The following GRIN2C variants were observed in gnomAD, a reference collection of about 807,000 sequenced individuals.
GRIN2C encodes the protein glutamate receptor ionotropic, NMDA 2C.
In GRIN2C, 64 loss-of-function variants were observed where a neutral mutation model predicts 77.7. The ratio of observed to expected loss-of-function variants is 0.82; its 90% CI spans 0.67 to 1.01. The LOEUF (loss-of-function observed/expected upper bound fraction) is 1.01, where lower values mean the gene tolerates loss of function less well. GRIN2C is among the 50% of genes least tolerant of loss of function. The pLI is 0.00. For synonymous variants in GRIN2C, 792 were observed against 643.4 expected, an observed-to-expected ratio of 1.23 and a Z score of -3.49; for missense variants, 1,549 against 1,486.0, an observed-to-expected ratio of 1.04 and a Z score of -0.70.
At position 74,850,442 on chromosome 17, in the gene GRIN2C, C is replaced by T. The variant is rs2037602899; in HGVS notation, c.1326-71G>A. 3.2e-6 allele frequency: 5 copies of T among 1,580,174 alleles called. No homozygotes were observed. Among genetic ancestry groups the T allele is most frequent in the Admixed American group, 3.3e-5 (2 of 59,852 alleles). The stretch of plus-strand genomic sequence containing the variant: ...TGGCCCAGCCCCGCCCCAGCCACTC[C>T]TCCAGCCTGGCACGTGGACCCCTGC... On this transcript the variant is annotated intron_variant, in intron 5 of 12. Transcript: ENST00000293190. The surrounding 1 kb of genome is among the most constrained non-coding windows in gnomAD (Gnocchi z 5.3).
chr17:74,860,217 C>T (rs1175082412), upstream of GRIN2C, among the ~76,000 whole-genome samples: 1 of 152,240 alleles, frequency 6.6e-6, no homozygotes, highest in Non-Finnish European at 1.5e-5. Context: ...TCACTAGCAC[C>T]GCCAAGACCT....
rs889431032 is a variant in GRIN2C, at chr17:74,844,588, G to T, written c.2351-80C>A. The stretch of plus-strand genomic sequence containing the variant: ...CCTCACAAAGCTCACCACAAACCTG[G>T]AGTAAGAAGGGATCTGGGGCAGGGT... On this transcript the variant is annotated intron_variant, in intron 11 of 12. Transcript: ENST00000293190. The T allele has an allele frequency of 2.6e-6, 4 of 1,540,576 alleles. No homozygotes were observed. The African/African-American group carries it at 5.5e-5, about 21-fold the overall frequency.
At chr17:74,848,352 C>T (rs1044925160) in intron 7 of GRIN2C, among the ~76,000 whole-genome samples, 49 of 152,226 alleles carry the variant, frequency 3.2e-4, no homozygotes, top group Admixed American at 4.6e-4. Flanking sequence ...TGGAAACCCA[C>T]ACCCAGGGAA....
Position 74,859,449 on chromosome 17 carries a change from G to A in GRIN2C, c.-16+295C>T, listed in dbSNP as rs944095685. Among the ~76,000 whole-genome samples the A allele has an allele frequency of 6.6e-6, 1 of 152,008 alleles. No homozygotes were observed. Among genetic ancestry groups the A allele is most frequent in the Non-Finnish European group, 1.5e-5 (1 of 68,004 alleles). On this transcript the variant is annotated intron_variant, in intron 1 of 12. Coordinates refer to ENST00000293190, the MANE Select transcript of GRIN2C (RefSeq NM_000835.6). The surrounding 1 kb of genome is among the most constrained non-coding windows in gnomAD (Gnocchi z 5.9). ...GATACCGATGGCTCTCCCTCTCCCAGGCTAGGAAACTCTGTCGCAGGAGTC... is the reference window on the plus strand; with the variant it reads ...GATACCGATGGCTCTCCCTCTCCCAAGCTAGGAAACTCTGTCGCAGGAGTC...
chr17:74,851,765 C>G, intron 3 of GRIN2C, 74 bp from the exon 4 acceptor site: 2 of 907,040 alleles, frequency 2.2e-6, no homozygotes, highest in Non-Finnish European at 3.5e-6. Context: ...CCGCCGCCAC[C>G]GACAGCAGGT....
chr17:74,847,069 T>C lies in GRIN2C; in HGVS notation c.2002-149A>G. On this transcript the variant is annotated intron_variant, in intron 9 of 12. Transcript: ENST00000293190. The surrounding 1 kb of genome is among the most constrained non-coding windows in gnomAD (Gnocchi z 5.2). ...AGGCTGTCCAGGCCACTCCTGTGTT[T>C]TCCAAATGGAGACTCTGAGGCCCAA... 1 of 860,710 alleles carries C rather than the reference T, an allele frequency of 1.2e-6. No homozygotes were observed. 53.3% of individuals were successfully genotyped at this position (860,710 alleles called of 1,614,324 possible). A position where few individuals can be genotyped will look rare whatever the true frequency, so the allele number is the denominator to read the frequency against.
intron 1 of GRIN2C, among the ~76,000 whole-genome samples, chr17:74,858,314 C>G (rs1201280685): frequency 4.8e-5 from 7 of 145,828 alleles, no homozygotes; most frequent in African/African-American, 1.8e-4. Flanking sequence ...ACCAGAGACT[C>G]TCTCCAAAGG....
At chr17:74,844,646 G>C in intron 11 of GRIN2C, 138 bp from the exon 12 acceptor site, 1 of 1,435,168 alleles carries the variant, frequency 7.0e-7, no homozygotes, top group Non-Finnish European at 9.2e-7. Flanking sequence ...AGACCACATG[G>C]GGATCCAGCC....
chr17:74,854,904 C>A lies in GRIN2C; in HGVS notation c.189G>T (p.Gln63His). ...TGGTGTTGACCCCAACTGTGAGCGG[C>A]TGGATCTCCAGGGGTAGGTCCAGGA... ...QSFLDLPLEI[Q>H]PLTVGVNTTN... Residue 63 changes from glutamine (Q) to histidine (H), a missense_variant, in exon 2 of 13, where the codon CAG (glutamine) becomes CAT (histidine). This residue lies in a region of GRIN2C where 382 missense variants were observed against 360.0 expected (regional missense o/e 1.06). Transcript: ENST00000293190. 6.2e-7 allele frequency: 1 copy of A among 1,613,412 alleles called. No individual in the cohort carries two copies. Among genetic ancestry groups the A allele is most frequent in the Non-Finnish European group, 8.5e-7 (1 of 1,179,574 alleles).
chr17:74,852,585 C>G lies in GRIN2C; in HGVS notation c.426G>C (p.Leu142=), dbSNP rs540553695. 4.4e-5 allele frequency: 63 copies of G among 1,443,838 alleles called. No individual in the cohort carries two copies. The highest frequency in any genetic ancestry group is 5.7e-5 in the Non-Finnish European group (62 of 1,095,398). The allele number at this position is 1,443,838 out of a possible 1,614,324, so 89.4% of individuals were successfully genotyped here. A position where few individuals can be genotyped will look rare whatever the true frequency, so the allele number is the denominator to read the frequency against. ...PKEPGSAFLQ[L]GVSLEQQLQV... ...GCAGCTGCTGCTCCAGGGACACGCC[C>G]AGCTGCAGGAAGGCGGAGCCCGGCT... Residue 142 remains leucine (L), a synonymous_variant, in exon 3 of 13, where the codon CTG becomes CTC. Coordinates refer to ENST00000293190, the MANE Select transcript of GRIN2C (RefSeq NM_000835.6).
At chr17:74,848,108 G>GTCCA in intron 7 of GRIN2C, 131 bp from the exon 8 acceptor site, 1 of 948,578 alleles carries the variant, frequency 1.1e-6, no homozygotes. Context: ...CCAGCCAAGG[G>GTCCA]GGCCTCTGAC....
Position 74,846,346 on chromosome 17 carries a change from C to T in GRIN2C, c.2163-93G>A. ...TGACAGGGGTCTAAACCACATGAGC[C>T]TGCTGGGCACCCCCGGGAGGGACCA... is the stretch of plus-strand genomic sequence containing the variant. On this transcript the variant is annotated intron_variant, in intron 10 of 12. Coordinates refer to ENST00000293190, the MANE Select transcript of GRIN2C (RefSeq NM_000835.6). This position sits in a 1 kb window ranked among gnomAD's most constrained non-coding sequence, Gnocchi z 4.4. 9.2e-7 allele frequency: 1 copy of T among 1,088,074 alleles called. No homozygotes were observed. Among genetic ancestry groups the T allele is most frequent in the Non-Finnish European group, 1.4e-6 (1 of 729,004 alleles). 67.4% of individuals were successfully genotyped at this position (1,088,074 alleles called of 1,614,324 possible). A position where few individuals can be genotyped will look rare whatever the true frequency, so the allele number is the denominator to read the frequency against.
rs1436090262 is a variant in GRIN2C at position 74,847,702 on chromosome 17, G to C, written c.1771+150C>G. 3 of 799,092 alleles carry C rather than the reference G, an allele frequency of 3.8e-6. No homozygotes were observed. Among genetic ancestry groups the C allele is most frequent in the Non-Finnish European group, 6.0e-6 (3 of 496,558 alleles). The allele number at this position is 799,092 out of a possible 1,614,324, so 49.5% of individuals were successfully genotyped here. ...GAAGTGAGCTCACGTGTGTGTTTCT[G>C]TGTGTGTGTGTCATCTGACTGGCCC... On this transcript the variant is annotated intron_variant, in intron 8 of 12. Transcript: ENST00000293190. This position sits in a 1 kb window ranked among gnomAD's most constrained non-coding sequence, Gnocchi z 5.2.
upstream of GRIN2C, chr17:74,860,841 C>T (rs766716692): frequency 3.6e-5 from 10 of 275,242 alleles, no homozygotes; most frequent in Admixed American, 1.5e-4. Context: ...AAGCGGGACT[C>T]GCGGCGGGGG....
chr17:74,852,528 G>C lies in GRIN2C; in HGVS notation c.483C>G (p.Asp161Glu). 1.9e-6 allele frequency: 3 copies of C among 1,567,738 alleles called. No individual in the cohort carries two copies. The highest frequency in any genetic ancestry group is 2.6e-6 in the Non-Finnish European group (3 of 1,164,560). Residue 161 changes from aspartate to glutamate, a missense_variant, in exon 3 of 13, where the codon GAC (aspartate) becomes GAG (glutamate). Coordinates refer to ENST00000293190, the MANE Select transcript of GRIN2C (RefSeq NM_000835.6). ...TGGTGATGACGGCGAAGGCGCTCCA[G>C]TCGTACTCTTCCAGCACCTTGAACA... ...QVLFKVLEEY[D>E]WSAFAVITSL...
chr17:74,844,545 C>T (rs1567888658), intron 11 of GRIN2C, 37 bp from the exon 12 acceptor site: 1 of 1,599,174 alleles, frequency 6.3e-7, no homozygotes, highest in Non-Finnish European at 8.5e-7. Context: ...GCTCAGGAAA[C>T]CCCCCTATAA....
In GRIN2C at chr17:74,850,867, G is replaced by A. The variant is rs2037620524; in HGVS notation, c.1114-100C>T. On this transcript the variant is annotated intron_variant, in intron 4 of 12. Transcript: ENST00000293190. The surrounding 1 kb of genome is among the most constrained non-coding windows in gnomAD (Gnocchi z 5.3). ...CCAAGAATCTCCCTCTCTCACCTAG[G>A]GATGCTGGGGCAGGTCAGAGTAGGG... The A allele has an allele frequency of 9.9e-7, 1 of 1,007,042 alleles. No homozygotes were observed. Among genetic ancestry groups the A allele is most frequent in the Admixed American group, 2.1e-5 (1 of 48,454 alleles). The allele number at this position is 1,007,042 out of a possible 1,614,324, so 62.4% of individuals were successfully genotyped here.
At chr17:74,845,671 G>C (rs1018790663) in intron 11 of GRIN2C, among the ~76,000 whole-genome samples, 2 of 152,128 alleles carry the variant, frequency 1.3e-5, no homozygotes, top group Admixed American at 1.3e-4. Context: ...TGTGGGACTG[G>C]GCAGATCCGT....
rs2037363227 is a variant in GRIN2C, at chr17:74,843,474, G to A, written c.2663C>T (p.Ser888Leu). 5.2e-6 allele frequency: 8 copies of A among 1,534,250 alleles called. No individual in the cohort carries two copies. The Admixed American group carries it at 5.9e-5, about 11-fold the overall frequency. Residue 888 changes from serine (S) to leucine (L), a missense_variant, in exon 13 of 13, where the codon TCG becomes TTG. Physicochemically the swap from Ser to Leu is moderately radical, Grantham distance 145. Around this residue, in one of 3 missense-constraint regions of GRIN2C, gnomAD observed 450 missense variants for 267.9 expected, o/e 1.68. Coordinates refer to ENST00000293190, the MANE Select transcript of GRIN2C (RefSeq NM_000835.6). ...CATCTTGAGCACGCTGGCCTGGGCC[G>A]AGCTGGCCGTGAGGTCCGGGCTGGC... ...RQASPDLTAS[S>L]AQASVLKMLQ...
Sources: allele counts gnomAD v4.1 joint callset (sites outside exome capture counted in the v4.1 genomes callset), GRCh38; gene constraint gnomAD v4.1.1; regional missense constraint gnomAD v4.1.1; non-coding constraint Gnocchi (gnomAD v3.1); transcripts MANE v1.5; gene names NCBI Gene and HGNC (gene_info 2026-07-23, HGNC 2026-07-21).